Variants in TMEFF1 observed in about 807,000 individuals in gnomAD.
TMEFF1 encodes the protein tomoregulin-1.
TMEFF1 carries 20 observed loss-of-function variants against 47.5 expected under a neutral mutation model. The observed-to-expected ratio is 0.42, with a 90% CI of 0.30 to 0.61. TMEFF1 has a LOEUF of 0.61. TMEFF1 is among the 20% of genes least tolerant of loss of function. The pLI, the probability that TMEFF1 is intolerant of heterozygous loss-of-function variation, is 0.19. For synonymous variants in TMEFF1, 162 were observed against 166.3 expected (o/e 0.97, Z 0.20); for missense variants, 411 against 471.1 (o/e 0.87, Z 1.18).
At chr9:100,527,533 G>C (rs949847315) in intron 5 of TMEFF1, among the ~76,000 whole-genome samples, 3 of 152,148 alleles carry the variant, frequency 2.0e-5, no homozygotes, top group East Asian at 3.9e-4. Context: ...CTTTTCCGAC[G>C]GGCTTAAAAA....
intron 8 of TMEFF1, among the ~76,000 whole-genome samples, chr9:100,564,474 A>T (rs1480646113): frequency 6.6e-6 from 1 of 152,250 alleles, no homozygotes; most frequent in Admixed American, 6.5e-5. Flanking sequence ...AGATCCAGGG[A>T]TCTTGCCTTT....
At chr9:100,518,482 G>T (rs1838109536) in intron 5 of TMEFF1, 2 of 985,456 alleles carry the variant, frequency 2.0e-6, no homozygotes, top group African/African-American at 3.5e-5. Flanking sequence ...ATAGTAAGGA[G>T]CATGCAGGCT....
chr9:100,537,739 C>T (rs986226130), intron 5 of TMEFF1, among the ~76,000 whole-genome samples: 2 of 152,186 alleles, frequency 1.3e-5, no homozygotes, highest in Non-Finnish European at 2.9e-5. Flanking sequence ...TTTTCACCCA[C>T]GCATAGTAGA....
chr9:100,518,447 A>G, intron 5 of TMEFF1: 1 of 985,446 alleles, frequency 1.0e-6, no homozygotes, highest in Non-Finnish European at 1.2e-6. Context: ...AAGGAAGTGG[A>G]CATAGACCAT....
intron 8 of TMEFF1, among the ~76,000 whole-genome samples, chr9:100,565,353 C>T (rs1839105773): frequency 6.6e-6 from 1 of 152,104 alleles, no homozygotes; most frequent in African/African-American, 2.4e-5. Flanking sequence ...GCATTTGAAT[C>T]CCACATTCCT....
At chr9:100,573,239 CAGTT>C (rs917242613) in intron 9 of TMEFF1, among the ~76,000 whole-genome samples, 54 of 152,184 alleles carry the variant, frequency 3.5e-4, no homozygotes, top group African/African-American at 1.2e-3. Context: ...ACTTTACTCA[CAGTT>C]AGTATAGTAA....
chr9:100,560,864 A>G (rs966592030), intron 7 of TMEFF1, among the ~76,000 whole-genome samples: 2 of 152,180 alleles, frequency 1.3e-5, no homozygotes, highest in African/African-American at 4.8e-5. Context: ...CAGCAAAGCT[A>G]TTTTCACTTG....
intron 1 of TMEFF1, among the ~76,000 whole-genome samples, chr9:100,479,462 ACTCT>A (rs528639218): frequency 1.3e-5 from 2 of 151,978 alleles, no homozygotes; most frequent in Non-Finnish European, 2.9e-5. Flanking sequence ...GACTGTCACC[ACTCT>A]CTAATTCCAG....
intron 8 of TMEFF1, among the ~76,000 whole-genome samples, chr9:100,571,512 T>C (rs1278316890): frequency 2.0e-5 from 3 of 152,176 alleles, no homozygotes; most frequent in Non-Finnish European, 4.4e-5. Flanking sequence ...GTAATGCATA[T>C]GTTAATTAGC....
At chr9:100,503,035 G>C (rs1446021969) in intron 2 of TMEFF1, among the ~76,000 whole-genome samples, 1 of 152,140 alleles carries the variant, frequency 6.6e-6, no homozygotes, top group Admixed American at 6.5e-5. Flanking sequence ...TTATAAATCT[G>C]TTCAGGGTAG....
At chr9:100,490,113 A>C (rs10512271) in intron 1 of TMEFF1, among the ~76,000 whole-genome samples, 6,660 of 152,236 alleles carry the variant, frequency 0.044, 321 homozygotes, top group South Asian at 0.22. Context: ...TAGTATGCAA[A>C]ATGGAATGAA....
chr9:100,507,285 T>C (rs1398017833), intron 2 of TMEFF1, among the ~76,000 whole-genome samples: 1 of 152,204 alleles, frequency 6.6e-6, no homozygotes, highest in Non-Finnish European at 1.5e-5. Context: ...ATTGATTCCA[T>C]GTCTTTGTTA....
At chr9:100,540,195 C>G (rs139959546) in intron 5 of TMEFF1, among the ~76,000 whole-genome samples, 10 of 152,080 alleles carry the variant, frequency 6.6e-5, no homozygotes, top group East Asian at 3.9e-4. Flanking sequence ...CCCACCCGAT[C>G]TTTAGGTAGA....
chr9:100,487,891 A>C (rs1175852951), intron 1 of TMEFF1, among the ~76,000 whole-genome samples: 1 of 152,058 alleles, frequency 6.6e-6, no homozygotes, highest in African/African-American at 2.4e-5. Flanking sequence ...TTTCTAATGC[A>C]CCAGAATTTT....
intron 5 of TMEFF1, among the ~76,000 whole-genome samples, chr9:100,524,943 A>AT (rs1838228747): frequency 6.6e-6 from 1 of 152,034 alleles, no homozygotes; most frequent in Non-Finnish European, 1.5e-5. Flanking sequence ...TCATTATCTT[A>AT]TGGTCAAGCC....
intron 5 of TMEFF1, among the ~76,000 whole-genome samples, chr9:100,541,462 C>T (rs1838630455): frequency 6.6e-6 from 1 of 150,748 alleles, no homozygotes; most frequent in Non-Finnish European, 1.5e-5. Flanking sequence ...CAACTTCTGC[C>T]TCCCAAGTTC....
At chr9:100,516,937 G>A (rs1346079594) in intron 5 of TMEFF1, among the ~76,000 whole-genome samples, 166 bp downstream of exon 5, 1 of 151,866 alleles carries the variant, frequency 6.6e-6, no homozygotes, top group African/African-American at 2.4e-5. Context: ...TAATACTATG[G>A]CTATTTAAAT....
intron 5 of TMEFF1, among the ~76,000 whole-genome samples, chr9:100,538,523 A>G (rs148981154): frequency 2.4e-4 from 36 of 152,312 alleles, no homozygotes; most frequent in Admixed American, 9.2e-4. Flanking sequence ...CTCTAATTGC[A>G]TCTGTCTCTC....
At chr9:100,539,256 G>A (rs1021509929) in intron 5 of TMEFF1, among the ~76,000 whole-genome samples, 4 of 152,190 alleles carry the variant, frequency 2.6e-5, no homozygotes, top group Non-Finnish European at 5.9e-5. Context: ...GTTGTTGGGC[G>A]TGTGCAAGTC....
Sources: gnomAD v4.1 joint callset for allele counts (sites outside exome capture counted in the v4.1 genomes callset) on GRCh38, gnomAD v4.1.1 for gene constraint, MANE v1.5 for transcripts, NCBI Gene and HGNC (gene_info 2026-07-23, HGNC 2026-07-21) for gene names.